ESRRG: variants seen among roughly 807,000 people sequenced by gnomAD.
The protein encoded by ESRRG is estrogen-related receptor gamma.
A neutral mutation model predicts 44.0 loss-of-function variants in ESRRG; 13 were observed. The observed-to-expected ratio is 0.30, with a 90% confidence interval of 0.19 to 0.47. ESRRG has a LOEUF of 0.47. Among genes scored for constraint, ESRRG ranks in the 20% least tolerant of loss-of-function variants. The probability of loss-of-function intolerance (pLI) is 1.00; values close to 1 mark genes in which losing one functional copy is unlikely to be tolerated. For synonymous variants in ESRRG, 215 were observed against 214.6 expected, an observed-to-expected ratio of 1.00 and a Z score of -0.02; for missense variants, 395 against 580.6, an observed-to-expected ratio of 0.68 and a Z score of 3.29.
intron 6 of ESRRG, among the ~76,000 whole-genome samples, chr1:216,517,198 T>G (rs2044602264): frequency 6.6e-6 from 1 of 152,164 alleles, no homozygotes; most frequent in Middle Eastern, 3.2e-3. Context: ...TATTGACCAT[T>G]TCTGACTTTA....
chr1:216,709,974 G>A (rs1373204839), intron 1 of ESRRG, among the ~76,000 whole-genome samples: 1 of 152,058 alleles, frequency 6.6e-6, no homozygotes, highest in African/African-American at 2.4e-5. Flanking sequence ...GAGAGTCTTA[G>A]AAGAATTTTC....
At chr1:216,923,687 C>T (rs2062128817) in intron 2 of ESRRG, among the ~76,000 whole-genome samples, 1 of 152,198 alleles carries the variant, frequency 6.6e-6, no homozygotes, top group Non-Finnish European at 1.5e-5. Flanking sequence ...ATTCCATCAA[C>T]ATTCCATGCA....
At chr1:216,932,382 A>G (rs1052099832) in intron 2 of ESRRG, among the ~76,000 whole-genome samples, 1 of 152,208 alleles carries the variant, frequency 6.6e-6, no homozygotes, top group Admixed American at 6.6e-5. Flanking sequence ...CAAATGACCA[A>G]TAAAATTGTA....
At chr1:216,804,585 A>T (rs2094727230) in intron 2 of ESRRG, among the ~76,000 whole-genome samples, 1 of 152,126 alleles carries the variant, frequency 6.6e-6, no homozygotes, top group Admixed American at 6.6e-5. Flanking sequence ...AGGCTGTTGA[A>T]GATTTATTAA....
chr1:216,885,811 G>T (rs1473300304), intron 2 of ESRRG, among the ~76,000 whole-genome samples: 1 of 151,530 alleles, frequency 6.6e-6, no homozygotes, highest in African/African-American at 2.4e-5. Flanking sequence ...CATATAGGTT[G>T]ATCTCCATGT....
rs183589106 is a variant in ESRRG, at chr1:216,630,079, T to C, written c.589+20894A>G. ...AACCCTGGTGAAGTCACTGAAAACATTGGGGAAGTAACTTGACTTTTAGGC... is the reference window on the plus strand; with the variant it reads ...AACCCTGGTGAAGTCACTGAAAACACTGGGGAAGTAACTTGACTTTTAGGC... On this transcript the variant is annotated intron_variant, in intron 3 of 6. Transcript: ENST00000408911. Among the ~76,000 whole-genome samples, 212 of 152,256 alleles carry C rather than the reference T, an allele frequency of 1.4e-3. 1 individual carries two copies. The Middle Eastern group carries it at 0.024, about 17-fold the overall frequency.
intron 1 of ESRRG, among the ~76,000 whole-genome samples, chr1:216,995,573 C>T (rs890871931): frequency 1.3e-5 from 2 of 152,170 alleles, no homozygotes; most frequent in Admixed American, 6.5e-5. Flanking sequence ...TTAAATGATC[C>T]TTCTTGACTC....
At chr1:216,586,380 T>A (rs1176354806) in intron 3 of ESRRG, among the ~76,000 whole-genome samples, 1 of 152,144 alleles carries the variant, frequency 6.6e-6, no homozygotes, top group Non-Finnish European at 1.5e-5. Flanking sequence ...AAAATAATAG[T>A]TAATGTTTTC....
At chr1:216,592,037 A>C (rs1233790146) in intron 3 of ESRRG, among the ~76,000 whole-genome samples, 1 of 152,228 alleles carries the variant, frequency 6.6e-6, no homozygotes, top group Non-Finnish European at 1.5e-5. Flanking sequence ...GCCATCTGAT[A>C]TAATGCGATG....
At chr1:216,806,276 T>A (rs1195744160) in intron 2 of ESRRG, among the ~76,000 whole-genome samples, 1 of 152,196 alleles carries the variant, frequency 6.6e-6, no homozygotes, top group Non-Finnish European at 1.5e-5. Flanking sequence ...ATCAAATTGA[T>A]TGTTCCCCTA....
rs1156920483 is a variant in ESRRG at position 216,506,991 on chromosome 1, C to T, written c.1325G>A (p.Gly442Asp). The T allele has an allele frequency of 6.2e-7, 1 of 1,613,988 alleles. No individual in the cohort carries two copies. Among genetic ancestry groups the T allele is most frequent in the Non-Finnish European group, 8.5e-7 (1 of 1,180,012 alleles). Reference protein sequence around the residue: ...VQHFYNIKLEGKVPMHKLFLE... With the variant: ...VQHFYNIKLEDKVPMHKLFLE... ...AAAAAGTTTGTGCATTGGGACTTTG[C>T]CTTCTAGTTTGATGTTGTAGAAATG... Residue 442 changes from glycine to aspartate, a missense_variant, in exon 7 of 7, where the codon GGC becomes GAC. Coordinates refer to ENST00000408911, the MANE Select transcript of ESRRG (RefSeq NM_001438.4).
chr1:216,957,521 C>T lies in ESRRG; in HGVS notation c.-105-17848G>A, dbSNP rs185507114. Among the ~76,000 whole-genome samples the T allele has an allele frequency of 2.1e-3, 323 of 152,252 alleles. 2 individuals are homozygous for T. The highest frequency in any genetic ancestry group is 7.3e-3 in the African/African-American group (303 of 41,564). ...TTTACGTCTTGTGGTTGCACAGCCC[C>T]AAAACTTCAGAAACATCCTCAACTC... On this transcript the variant is annotated intron_variant, in intron 1 of 7. Coordinates refer to the ESRRG transcript ENST00000359162.
chr1:216,521,416 A>G (rs1025438858), intron 5 of ESRRG, among the ~76,000 whole-genome samples: 3 of 152,048 alleles, frequency 2.0e-5, no homozygotes, highest in African/African-American at 4.8e-5. Flanking sequence ...TCAAGAAAAC[A>G]TACTAAGTAA....
At chr1:217,043,984 A>C (rs1339212) in intron 1 of ESRRG, among the ~76,000 whole-genome samples, 2 of 151,782 alleles carry the variant, frequency 1.3e-5, no homozygotes, top group Non-Finnish European at 2.9e-5. Context: ...TTAGAAAAGA[A>C]ACCGATAGGA....
rs1580568050 is a variant in ESRRG at position 217,098,276 on chromosome 1, T to C, written c.-230+39391A>G. Among the ~76,000 whole-genome samples the C allele has an allele frequency of 2.6e-5, 4 of 152,128 alleles. 1 individual carries two copies. The highest frequency in any genetic ancestry group is 2.1e-4 in the South Asian group (1 of 4,822). On this transcript the variant is annotated intron_variant, in intron 1 of 8. Coordinates refer to the ESRRG transcript ENST00000366940. ...CATCACAGTGAATTGACTCTCTGAG[T>C]ACCAAAAAGCAAGTGAAAAAGTACA...
chr1:216,509,420 G>A (rs565169919), intron 6 of ESRRG, among the ~76,000 whole-genome samples: 1 of 152,144 alleles, frequency 6.6e-6, no homozygotes, highest in Non-Finnish European at 1.5e-5. Flanking sequence ...CTATCATTTG[G>A]TCCTGTTTCT....
chr1:216,647,651 A>G (rs1281767076), intron 3 of ESRRG, among the ~76,000 whole-genome samples: 1 of 152,136 alleles, frequency 6.6e-6, no homozygotes, highest in East Asian at 1.9e-4. Context: ...TCTCCTTCAC[A>G]CTCCCACCAA....
chr1:217,070,628 C>T (rs1381113465), intron 1 of ESRRG, among the ~76,000 whole-genome samples: 1 of 152,202 alleles, frequency 6.6e-6, no homozygotes, highest in African/African-American at 2.4e-5. Context: ...TTATCCACCC[C>T]ACTTTGGCCT....
chr1:216,997,126 TTAAA>T (rs1447612141), intron 1 of ESRRG, among the ~76,000 whole-genome samples: 1 of 152,190 alleles, frequency 6.6e-6, no homozygotes, highest in East Asian at 1.9e-4. Context: ...CAGTAGAATA[TTAAA>T]GACAGACATA....
Sources: allele counts gnomAD v4.1 joint callset (sites outside exome capture counted in the v4.1 genomes callset), GRCh38; gene constraint gnomAD v4.1.1; transcripts MANE v1.5; gene names NCBI Gene and HGNC (gene_info 2026-07-23, HGNC 2026-07-21).